Variants in CFAP96 observed in about 807,000 individuals in gnomAD.
CFAP96 encodes the protein cilia and flagella associated protein 96.
the CFAP96 span, among the ~76,000 whole-genome samples, chr4:185,414,951 T>C: frequency 5.9e-5 from 9 of 152,292 alleles, no homozygotes; most frequent in East Asian, 1.5e-3. Context: ...ATGTTACATA[T>C]AGGTTCAACA....
At chr4:185,418,165 T>C in the CFAP96 span, among the ~76,000 whole-genome samples, 1 of 152,232 alleles carries the variant, frequency 6.6e-6, no homozygotes, top group South Asian at 2.1e-4. Flanking sequence ...AGAATGCGAT[T>C]TAATTTAAGT....
At chr4:185,430,715 C>A in the CFAP96 span, among the ~76,000 whole-genome samples, 1 of 150,590 alleles carries the variant, frequency 6.6e-6, no homozygotes, top group African/African-American at 2.5e-5. Flanking sequence ...CAAGCCTGGA[C>A]AACATAGTGA....
the CFAP96 span, among the ~76,000 whole-genome samples, chr4:185,435,674 G>A: frequency 1.3e-5 from 2 of 152,188 alleles, no homozygotes; most frequent in African/African-American, 4.8e-5. Context: ...TGTTTTGCAA[G>A]TGTAGTTTCT....
At chr4:185,415,344 A>C in the CFAP96 span, 1 of 1,577,422 alleles carries the variant, frequency 6.3e-7, no homozygotes, top group African/African-American at 1.4e-5. Flanking sequence ...GGAGTTTACG[A>C]ACTCTGTGGG....
At chr4:185,418,762 G>A in the CFAP96 span, 1 of 1,586,162 alleles carries the variant, frequency 6.3e-7, no homozygotes. Context: ...GCCTTCTTGA[G>A]AAAAATTTCT....
At chr4:185,418,803 A>T in the CFAP96 span, 1 of 1,528,454 alleles carries the variant, frequency 6.5e-7, no homozygotes, top group African/African-American at 1.4e-5. Flanking sequence ...GAAGTTAAGA[A>T]AAACAAATTT....
chr4:185,415,685 G>T, the CFAP96 span: 3 of 1,589,330 alleles, frequency 1.9e-6, no homozygotes, highest in Non-Finnish European at 2.6e-6. Context: ...TTCAAATGTG[G>T]CAGTGGTACT....
the CFAP96 span, chr4:185,429,454 C>T: frequency 1.3e-6 from 2 of 1,538,656 alleles, no homozygotes; most frequent in East Asian, 2.5e-5. Flanking sequence ...AAGGATTGGC[C>T]TCTTTAGTGA....
chr4:185,446,897 C>T, the CFAP96 span, among the ~76,000 whole-genome samples: 1 of 152,136 alleles, frequency 6.6e-6, no homozygotes, highest in Non-Finnish European at 1.5e-5. Flanking sequence ...GTGGCTATAA[C>T]CTGCTTTCCT....
the CFAP96 span, among the ~76,000 whole-genome samples, chr4:185,409,649 G>GT: frequency 6.6e-6 from 1 of 152,172 alleles, no homozygotes; most frequent in Admixed American, 6.5e-5. Context: ...CTCCCAAAAG[G>GT]TATGTATGTC....
chr4:185,415,357 G>C, the CFAP96 span: 1 of 1,559,496 alleles, frequency 6.4e-7, no homozygotes, highest in South Asian at 1.2e-5. Flanking sequence ...TCTGTGGGGG[G>C]AAATATATAA....
chr4:185,442,833 T>TGAATAACAA, the CFAP96 span, among the ~76,000 whole-genome samples: 1 of 152,212 alleles, frequency 6.6e-6, no homozygotes, highest in Non-Finnish European at 1.5e-5. Flanking sequence ...CACTTTTTAC[T>TGAATAACAA]TGTCATAAGC....
the CFAP96 span, among the ~76,000 whole-genome samples, chr4:185,434,626 ATAATT>A: frequency 1.3e-5 from 2 of 152,234 alleles, no homozygotes; most frequent in Non-Finnish European, 1.5e-5. Context: ...AAAAACATCT[ATAATT>A]TAGTGGATAC....
At chr4:185,435,021 G>C in the CFAP96 span, among the ~76,000 whole-genome samples, 1 of 151,504 alleles carries the variant, frequency 6.6e-6, no homozygotes, top group Non-Finnish European at 1.5e-5. Flanking sequence ...GATTACATAC[G>C]TGAGCCACCA....
chr4:185,440,426 C>T, the CFAP96 span: 1 of 646,984 alleles, frequency 1.5e-6, no homozygotes, highest in Non-Finnish European at 2.5e-6. Flanking sequence ...AAAAGTACAC[C>T]CAGCAGGATA....
the CFAP96 span, among the ~76,000 whole-genome samples, chr4:185,434,046 C>T: frequency 2.6e-5 from 4 of 151,984 alleles, no homozygotes; most frequent in African/African-American, 9.7e-5. Flanking sequence ...TGACAAAAAC[C>T]CATCTCTACA....
the CFAP96 span, among the ~76,000 whole-genome samples, chr4:185,413,323 G>C: frequency 1.3e-5 from 2 of 152,158 alleles, no homozygotes; most frequent in African/African-American, 4.8e-5. Flanking sequence ...AGGAGGCGGA[G>C]GTTGCAGTGA....
the CFAP96 span, chr4:185,415,372 A>ATTACTTT: frequency 2.6e-6 from 4 of 1,528,898 alleles, no homozygotes; most frequent in Admixed American, 9.6e-5. Context: ...ATATAAGTGT[A>ATTACTTT]TTAACAAAAG....
chr4:185,445,020 T>C, the CFAP96 span: 11 of 1,551,532 alleles, frequency 7.1e-6, no homozygotes, highest in Non-Finnish European at 9.6e-6. Context: ...CTGCTGACCC[T>C]TATGTGGCTA....
Sources: allele counts gnomAD v4.1 joint callset (sites outside exome capture counted in the v4.1 genomes callset), GRCh38; gene constraint gnomAD v4.1.1; transcripts MANE v1.5; gene names NCBI Gene and HGNC (gene_info 2026-07-23, HGNC 2026-07-21).